The following HCN1 variants were observed in gnomAD, a reference collection of about 807,000 sequenced individuals.
HCN1 encodes hyperpolarization activated cyclic nucleotide gated potassium channel 1.
HCN1 carries 13 observed loss-of-function variants against 78.9 expected under a neutral mutation model. The observed-to-expected ratio is 0.16, with a 90% CI of 0.11 to 0.26. HCN1 has a LOEUF of 0.26. Among genes scored for constraint, HCN1 ranks in the 10% least tolerant of loss-of-function variants. The probability of loss-of-function intolerance (pLI) is 1.00; values close to 1 mark genes in which losing one functional copy is unlikely to be tolerated. For synonymous variants in HCN1, 552 were observed against 455.5 expected (o/e 1.21, Z -2.70); for missense variants, 810 against 1,154.3 (o/e 0.70, Z 4.32).
At chr5:45,376,223 T>TA (rs1747656387) in intron 4 of HCN1, among the ~76,000 whole-genome samples, 1 of 115,016 alleles carries the variant, frequency 8.7e-6, no homozygotes, top group Non-Finnish European at 1.7e-5. Context: ...ATACATTATA[T>TA]ATAATATATA....
intron 2 of HCN1, among the ~76,000 whole-genome samples, chr5:45,528,383 T>C (rs1742780411): frequency 6.6e-6 from 1 of 151,968 alleles, no homozygotes; most frequent in African/African-American, 2.4e-5. Context: ...TAGGGCTGAC[T>C]AGTAGCCTGT....
At chr5:45,498,834 A>ACCCGG in intron 2 of HCN1, among the ~76,000 whole-genome samples, 1 of 152,000 alleles carries the variant, frequency 6.6e-6, no homozygotes, top group Non-Finnish European at 1.5e-5. Flanking sequence ...CTGTTGGAGT[A>ACCCGG]CCCGGCCGTG....
intron 2 of HCN1, among the ~76,000 whole-genome samples, chr5:45,541,970 C>G (rs1743114094): frequency 6.6e-6 from 1 of 151,900 alleles, no homozygotes; most frequent in African/African-American, 2.4e-5. Context: ...TATTTGTGGA[C>G]AGAAAAATAT....
intron 5 of HCN1, among the ~76,000 whole-genome samples, chr5:45,348,913 C>A (rs2111976636): frequency 6.6e-6 from 1 of 152,212 alleles, no homozygotes; most frequent in East Asian, 1.9e-4. Flanking sequence ...GACTCCCACA[C>A]AATAATAAAG....
chr5:45,295,505 A>G (rs1485759786), intron 6 of HCN1, among the ~76,000 whole-genome samples: 1 of 152,032 alleles, frequency 6.6e-6, no homozygotes, highest in Non-Finnish European at 1.5e-5. Flanking sequence ...TGCATGAGTC[A>G]CATGCCTCAC....
At chr5:45,314,448 C>T (rs1745932761) in intron 5 of HCN1, among the ~76,000 whole-genome samples, 1 of 152,162 alleles carries the variant, frequency 6.6e-6, no homozygotes, top group Admixed American at 6.5e-5. Flanking sequence ...GAAGAAACTG[C>T]ATCAACTAAT....
chr5:45,392,789 G>GAA (rs58442950), intron 4 of HCN1, among the ~76,000 whole-genome samples: 1 of 114,978 alleles, frequency 8.7e-6, no homozygotes. Context: ...CCATCTCAAA[G>GAA]AAAAAAAAAA....
intron 2 of HCN1, among the ~76,000 whole-genome samples, chr5:45,580,635 C>A (rs976633110): frequency 6.6e-6 from 1 of 151,854 alleles, no homozygotes; most frequent in Non-Finnish European, 1.5e-5. Context: ...TGTGCTGCAC[C>A]CATTAACTCG....
chr5:45,690,529 G>T (rs946478915), intron 1 of HCN1, among the ~76,000 whole-genome samples: 3 of 151,850 alleles, frequency 2.0e-5, no homozygotes, highest in African/African-American at 7.3e-5. Context: ...AGCCATGAAG[G>T]TTTATTTTGC....
At position 45,261,658 on chromosome 5, in the gene HCN1, T is replaced by C. The variant is rs1271542496; in HGVS notation, c.*263A>G. 4 of 281,106 alleles carry C rather than the reference T, an allele frequency of 1.4e-5. No homozygotes were observed. Among genetic ancestry groups the C allele is most frequent in the African/African-American group, 2.2e-5 (1 of 45,896 alleles). The allele number at this position is 281,106 out of a possible 1,614,324, so 17.4% of individuals were successfully genotyped here. A position where few individuals can be genotyped will look rare whatever the true frequency, so the allele number is the denominator to read the frequency against. On this transcript the variant is annotated 3_prime_UTR_variant, in exon 8 of 8. Coordinates refer to ENST00000303230, the MANE Select transcript of HCN1 (RefSeq NM_021072.4). ...AGAAATAAATAATCTTACAACGACA[T>C]TTTAAATCCTTTAATGATTTAAAGA... is the stretch of plus-strand genomic sequence containing the variant.
chr5:45,327,705 T>G (rs747032558), intron 5 of HCN1, among the ~76,000 whole-genome samples: 25 of 151,516 alleles, frequency 1.6e-4, no homozygotes, highest in Non-Finnish European at 3.2e-4. Context: ...AAGTTAAAAT[T>G]AATTAACTAG....
chr5:45,660,905 A>G (rs1388304093), intron 1 of HCN1, among the ~76,000 whole-genome samples: 22 of 99,488 alleles, frequency 2.2e-4, no homozygotes, highest in Non-Finnish European at 3.7e-4. Context: ...CGAGACAGAA[A>G]GTCAACAAGG....
intron 1 of HCN1, among the ~76,000 whole-genome samples, chr5:45,645,906 G>T (rs1207869269): frequency 6.6e-6 from 1 of 151,922 alleles, no homozygotes; most frequent in East Asian, 1.9e-4. Context: ...GGCAAAAAAA[G>T]CAACCTACCT....
At chr5:45,536,358 T>C (rs1047108033) in intron 2 of HCN1, among the ~76,000 whole-genome samples, 1 of 152,204 alleles carries the variant, frequency 6.6e-6, no homozygotes, top group African/African-American at 2.4e-5. Flanking sequence ...TGTGAGTCCA[T>C]GCTCATTATT....
chr5:45,307,891 G>A (rs1745769114), intron 5 of HCN1, among the ~76,000 whole-genome samples: 1 of 152,062 alleles, frequency 6.6e-6, no homozygotes, highest in Non-Finnish European at 1.5e-5. Context: ...GGGGAAATTG[G>A]ATGTGATGTA....
At chr5:45,313,314 T>C (rs1179530501) in intron 5 of HCN1, among the ~76,000 whole-genome samples, 1 of 152,054 alleles carries the variant, frequency 6.6e-6, no homozygotes, top group Non-Finnish European at 1.5e-5. Flanking sequence ...TCCTGACTGT[T>C]AGAAGGAAAA....
At chr5:45,480,554 G>A (rs1579920783) in intron 2 of HCN1, among the ~76,000 whole-genome samples, 2 of 152,126 alleles carry the variant, frequency 1.3e-5, no homozygotes. Context: ...CTAATGGCTT[G>A]TTCTGAGATT....
At chr5:45,339,064 C>T (rs1746521519) in intron 5 of HCN1, among the ~76,000 whole-genome samples, 1 of 152,146 alleles carries the variant, frequency 6.6e-6, no homozygotes, top group Non-Finnish European at 1.5e-5. Context: ...ACTGGCTGAG[C>T]ATTTCATGCT....
At chr5:45,551,408 T>A (rs1449712413) in intron 2 of HCN1, among the ~76,000 whole-genome samples, 5 of 151,550 alleles carry the variant, frequency 3.3e-5, no homozygotes, top group East Asian at 3.9e-4. Context: ...CATGTAGAAA[T>A]ATATCCAAGA....
Sources: allele counts gnomAD v4.1 joint callset (sites outside exome capture counted in the v4.1 genomes callset), GRCh38; gene constraint gnomAD v4.1.1; transcripts MANE v1.5; gene names NCBI Gene and HGNC (gene_info 2026-07-23, HGNC 2026-07-21).